NRXN1: variants seen among roughly 807,000 people sequenced by gnomAD.
NRXN1 encodes neurexin 1.
A neutral mutation model predicts 150.9 loss-of-function variants in NRXN1; 39 were observed. The ratio of observed to expected loss-of-function variants is 0.26; its 90% CI spans 0.20 to 0.34. The LOEUF is 0.34. NRXN1 is among the 10% of genes least tolerant of loss of function. The pLI, the probability that NRXN1 is intolerant of heterozygous loss-of-function variation, is 1.00. For synonymous variants in NRXN1, 924 were observed against 757.0 expected, an observed-to-expected ratio of 1.22 and a Z score of -3.62; for missense variants, 1,815 against 1,949.9, an observed-to-expected ratio of 0.93 and a Z score of 1.30.
chr2:50,294,314 G>A (rs1574965333), intron 17 of NRXN1, among the ~76,000 whole-genome samples: 3 of 152,100 alleles, frequency 2.0e-5, no homozygotes, highest in Non-Finnish European at 4.4e-5. Flanking sequence ...ATTGCTCAAT[G>A]TTTCTGCTAT....
At chr2:50,527,396 A>C (rs1358135654) in intron 12 of NRXN1, among the ~76,000 whole-genome samples, 1 of 152,152 alleles carries the variant, frequency 6.6e-6, no homozygotes, top group African/African-American at 2.4e-5. Flanking sequence ...TATTTGAAAA[A>C]TTCCGCTTAC....
intron 17 of NRXN1, among the ~76,000 whole-genome samples, chr2:50,418,798 T>C (rs2083749088): frequency 1.3e-5 from 2 of 152,102 alleles, no homozygotes; most frequent in South Asian, 4.1e-4. Flanking sequence ...ATACCTTAGA[T>C]GCTATAGTAA....
chr2:50,396,933 C>A (rs9678669), intron 17 of NRXN1, among the ~76,000 whole-genome samples: 84,881 of 151,918 alleles, frequency 0.56, 24,819 homozygotes, highest in East Asian at 0.81. Flanking sequence ...GAAGGTTGAT[C>A]GGCTATTGTA....
At chr2:50,099,255 T>G (rs1191551819) in intron 18 of NRXN1, among the ~76,000 whole-genome samples, 1 of 152,088 alleles carries the variant, frequency 6.6e-6, no homozygotes, top group Non-Finnish European at 1.5e-5. Context: ...TAAAAACAAC[T>G]TTAGGGTAGG....
chr2:50,190,846 C>T (rs1288397915), intron 18 of NRXN1, among the ~76,000 whole-genome samples: 1 of 152,052 alleles, frequency 6.6e-6, no homozygotes, highest in African/African-American at 2.4e-5. Flanking sequence ...CTCCCGACTG[C>T]AGGTGATCCA....
At chr2:50,623,640 C>A (rs1443845529) in intron 5 of NRXN1, 25 bp from the exon 6 acceptor site, 1 of 1,542,422 alleles carries the variant, frequency 6.5e-7, no homozygotes, top group Non-Finnish European at 8.9e-7. Context: ...ATGATACATA[C>A]ATAAGTAAAC....
intron 17 of NRXN1, among the ~76,000 whole-genome samples, chr2:50,403,527 G>C (rs1019940262): frequency 8.5e-5 from 13 of 152,062 alleles, no homozygotes; most frequent in African/African-American, 3.1e-4. Flanking sequence ...CATATGTACA[G>C]AATAGTATTT....
rs76111534 is a variant in NRXN1, at chr2:50,301,241, A to G, written c.3365-64271T>C. On this transcript the variant is annotated intron_variant, in intron 17 of 22. Transcript: ENST00000401669. The stretch of plus-strand genomic sequence containing the variant: ...TAGCAAACACACTATAGCCCTTACC[A>G]TGTGCCAGGCAGTGTCCTGAGTGCT... Among the ~76,000 whole-genome samples the G allele has an allele frequency of 3.4e-3, 513 of 152,300 alleles. 2 individuals are homozygous for G. Among genetic ancestry groups the G allele is most frequent in the African/African-American group, 0.011 (476 of 41,550 alleles).
At chr2:50,454,664 T>TCA (rs3052512) in intron 17 of NRXN1, among the ~76,000 whole-genome samples, 10,133 of 140,682 alleles carry the variant, frequency 0.072, 351 homozygotes, top group South Asian at 0.095. Flanking sequence ...TGGGCAAAGA[T>TCA]CACACACACA....
At chr2:50,674,245 C>T (rs1280753939) in intron 5 of NRXN1, among the ~76,000 whole-genome samples, 1 of 152,052 alleles carries the variant, frequency 6.6e-6, no homozygotes, top group Non-Finnish European at 1.5e-5. Flanking sequence ...AAAAGTCATT[C>T]TCGTTAGATA....
chr2:50,359,678 C>T (rs1156422908), intron 17 of NRXN1, among the ~76,000 whole-genome samples: 1 of 152,066 alleles, frequency 6.6e-6, no homozygotes. Flanking sequence ...AGTTGGAAAA[C>T]ACACTTCAGG....
intron 5 of NRXN1, chr2:50,739,159 T>C: frequency 3.0e-6 from 1 of 334,332 alleles, no homozygotes; most frequent in Middle Eastern, 4.0e-4. Flanking sequence ...TCTGTAGATG[T>C]CAAAAATTCT....
At chr2:50,807,694 A>G (rs910083327) in intron 5 of NRXN1, among the ~76,000 whole-genome samples, 2 of 152,212 alleles carry the variant, frequency 1.3e-5, no homozygotes, top group African/African-American at 4.8e-5. Flanking sequence ...ATCTGACCTA[A>G]CAATGATTCT....
chr2:50,020,153 G>A (rs1276854529), intron 21 of NRXN1, among the ~76,000 whole-genome samples: 2 of 151,920 alleles, frequency 1.3e-5, no homozygotes, highest in African/African-American at 2.4e-5. Flanking sequence ...GTAGCTGTAG[G>A]ACTAAATTAC....
intron 5 of NRXN1, among the ~76,000 whole-genome samples, chr2:50,814,719 C>G (rs1377520181): frequency 6.6e-6 from 1 of 152,080 alleles, no homozygotes; most frequent in Non-Finnish European, 1.5e-5. Flanking sequence ...AATCCCCCCA[C>G]AAAAAGAAAT....
intron 5 of NRXN1, among the ~76,000 whole-genome samples, chr2:50,638,700 T>A (rs1683596612): frequency 6.6e-6 from 1 of 152,168 alleles, no homozygotes; most frequent in Admixed American, 6.6e-5. Context: ...AATACCATAT[T>A]AAAACAAATT....
At chr2:50,122,847 T>C (rs2152738804) in intron 18 of NRXN1, among the ~76,000 whole-genome samples, 1 of 152,298 alleles carries the variant, frequency 6.6e-6, no homozygotes, top group African/African-American at 2.4e-5. Context: ...TACAGGTATA[T>C]TAGAGGAATT....
chr2:50,162,036 C>T (rs1056579292), intron 18 of NRXN1, among the ~76,000 whole-genome samples: 1 of 152,056 alleles, frequency 6.6e-6, no homozygotes, highest in African/African-American at 2.4e-5. Flanking sequence ...TTAATCCAAC[C>T]ACTTGATATG....
intron 17 of NRXN1, among the ~76,000 whole-genome samples, chr2:50,434,091 C>G (rs570656538): frequency 1.4e-4 from 15 of 106,294 alleles, no homozygotes; most frequent in Middle Eastern, 0.012. Flanking sequence ...GAGTCTTGCT[C>G]TGTTGCCCAG....
Sources: gnomAD v4.1 joint callset for allele counts (sites outside exome capture counted in the v4.1 genomes callset) on GRCh38, gnomAD v4.1.1 for gene constraint, MANE v1.5 for transcripts, NCBI Gene and HGNC (gene_info 2026-07-23, HGNC 2026-07-21) for gene names.